The following TUSC3 variants were observed in gnomAD, a reference collection of about 807,000 sequenced individuals.
TUSC3 encodes the protein tumor suppressor candidate 3, also known as dolichyl-diphosphooligosaccharide--protein glycosyltransferase subunit TUSC3.
Under a neutral mutation model 44.8 loss-of-function variants are expected in TUSC3, and 45 were observed. The observed-to-expected ratio is 1.00, with a 90% CI of 0.79 to 1.29. The LOEUF is 1.29. Among genes scored for constraint, TUSC3 ranks in the 50% most tolerant of loss-of-function variants. The pLI, the probability that TUSC3 is intolerant of heterozygous loss-of-function variation, is 0.00. For synonymous variants in TUSC3, 212 were observed against 152.9 expected, an observed-to-expected ratio of 1.39 and a Z score of -2.85; for missense variants, 519 against 437.9, an observed-to-expected ratio of 1.19 and a Z score of -1.65.
At chr8:15,436,076 C>T (rs1395906484) in intron 1 of TUSC3, among the ~76,000 whole-genome samples, 1 of 152,138 alleles carries the variant, frequency 6.6e-6, no homozygotes, top group African/African-American at 2.4e-5. Flanking sequence ...CATTCACATA[C>T]CTGGTACTTT....
intron 3 of TUSC3, among the ~76,000 whole-genome samples, chr8:15,658,665 C>T (rs967038682): frequency 1.4e-5 from 2 of 143,578 alleles, no homozygotes; most frequent in African/African-American, 5.1e-5. Context: ...CACACAAATA[C>T]AATATATATA....
chr8:15,428,941 G>C (rs181044254), intron 1 of TUSC3, among the ~76,000 whole-genome samples: 3 of 152,282 alleles, frequency 2.0e-5, no homozygotes, highest in Admixed American at 2.0e-4. Flanking sequence ...TCTGATGGTG[G>C]TTGCTTTTGC....
At chr8:15,496,546 A>C (rs1800882809) in intron 2 of TUSC3, among the ~76,000 whole-genome samples, 1 of 152,176 alleles carries the variant, frequency 6.6e-6, no homozygotes, top group African/African-American at 2.4e-5. Flanking sequence ...ACAAGGTCTT[A>C]CTTTTGGGAG....
downstream of TUSC3, among the ~76,000 whole-genome samples, chr8:15,767,501 A>G (rs1429750045): frequency 6.6e-6 from 1 of 152,002 alleles, no homozygotes; most frequent in Non-Finnish European, 1.5e-5. Flanking sequence ...AGTTTACCAA[A>G]CCACTGTTTA....
chr8:15,842,618 G>T, the TUSC3 span, among the ~76,000 whole-genome samples: 20,231 of 152,122 alleles, frequency 0.13, 1,412 homozygotes, highest in Admixed American at 0.22. Flanking sequence ...ACACAGGAGA[G>T]AAAGAAGGCT....
chr8:15,696,927 T>C (rs953757688), intron 6 of TUSC3, among the ~76,000 whole-genome samples: 2 of 151,932 alleles, frequency 1.3e-5, no homozygotes, highest in African/African-American at 2.4e-5. Context: ...GGTCCTGGAC[T>C]TTTTTTTGTT....
rs186255536 is a variant in TUSC3 at position 15,748,774 on chromosome 8, C to T, written c.1028+309C>T. On this transcript the variant is annotated intron_variant, in intron 9 of 10. Coordinates refer to ENST00000503731, the MANE Select transcript of TUSC3 (RefSeq NM_006765.4). ...ATCTTCCCTTAGTTTGTCGTGATTT[C>T]GACTTCATTTGCAAGATTGTTTTCT... 2.9e-5 allele frequency: 16 copies of T among 544,250 alleles called. No homozygotes were observed. The East Asian group carries it at 4.4e-4, about 15-fold the overall frequency. 33.7% of individuals were successfully genotyped at this position (544,250 alleles called of 1,614,324 possible).
intron 2 of TUSC3, among the ~76,000 whole-genome samples, chr8:15,642,210 A>ATC (rs974064616): frequency 1.3e-5 from 2 of 152,200 alleles, no homozygotes; most frequent in African/African-American, 4.8e-5. Flanking sequence ...CACAAGATAG[A>ATC]TCTCTCTCTA....
chr8:15,755,427 T>C (rs1200661306), intron 9 of TUSC3, among the ~76,000 whole-genome samples: 2 of 152,150 alleles, frequency 1.3e-5, no homozygotes, highest in African/African-American at 2.4e-5. Context: ...AAAGTTTTTC[T>C]TTACGCTAAA....
At chr8:15,683,583 T>G (rs1313458119) in intron 6 of TUSC3, among the ~76,000 whole-genome samples, 1 of 152,172 alleles carries the variant, frequency 6.6e-6, no homozygotes, top group African/African-American at 2.4e-5. Flanking sequence ...CAGCTTCCTC[T>G]TGTATCTCAT....
chr8:15,612,879 C>G (rs938829820), intron 1 of TUSC3, among the ~76,000 whole-genome samples: 1 of 152,026 alleles, frequency 6.6e-6, no homozygotes, highest in Non-Finnish European at 1.5e-5. Flanking sequence ...ATCACCCACT[C>G]TTCACTGATC....
chr8:15,588,188 A>T (rs1477935404), intron 1 of TUSC3, among the ~76,000 whole-genome samples: 2 of 152,148 alleles, frequency 1.3e-5, no homozygotes, highest in Non-Finnish European at 2.9e-5. Context: ...CCAGCAGTGT[A>T]TAAGAGTTCT....
intron 1 of TUSC3, among the ~76,000 whole-genome samples, chr8:15,449,070 G>C (rs1414996152): frequency 1.3e-5 from 2 of 152,134 alleles, no homozygotes; most frequent in Non-Finnish European, 2.9e-5. Flanking sequence ...TTAGAAAGGA[G>C]AGCTTTATTT....
At chr8:15,681,177 C>A (rs1808414229) in intron 6 of TUSC3, among the ~76,000 whole-genome samples, 1 of 142,670 alleles carries the variant, frequency 7.0e-6, no homozygotes, top group Non-Finnish European at 1.5e-5. Context: ...GTCAGCTCTT[C>A]TTTATTATCC....
At chr8:15,708,672 T>C (rs1249249210) in intron 6 of TUSC3, among the ~76,000 whole-genome samples, 1 of 151,880 alleles carries the variant, frequency 6.6e-6, no homozygotes, top group Non-Finnish European at 1.5e-5. Flanking sequence ...AACAGAGAAT[T>C]GGGTTAAACA....
intron 1 of TUSC3, among the ~76,000 whole-genome samples, chr8:15,618,474 C>T (rs1347077096): frequency 6.6e-6 from 1 of 152,062 alleles, no homozygotes; most frequent in Non-Finnish European, 1.5e-5. Flanking sequence ...TTAGCCTAGG[C>T]CTGCACATGG....
At chr8:15,801,386 G>C in the TUSC3 span, among the ~76,000 whole-genome samples, 1 of 152,150 alleles carries the variant, frequency 6.6e-6, no homozygotes, top group Non-Finnish European at 1.5e-5. Context: ...GTGTGGGGTG[G>C]CTGAGAGCAT....
the TUSC3 span, among the ~76,000 whole-genome samples, chr8:15,851,550 T>A: frequency 6.6e-6 from 1 of 152,194 alleles, no homozygotes; most frequent in African/African-American, 2.4e-5. Context: ...TAGAGAGGTT[T>A]AAATAACTTG....
At chr8:15,601,446 C>A (rs1443752475) in intron 1 of TUSC3, among the ~76,000 whole-genome samples, 2 of 151,528 alleles carry the variant, frequency 1.3e-5, no homozygotes, top group African/African-American at 4.8e-5. Context: ...TTAGTGACTC[C>A]CTTCTAGTGG....
Sources: gnomAD v4.1 joint callset for allele counts (sites outside exome capture counted in the v4.1 genomes callset) on GRCh38, gnomAD v4.1.1 for gene constraint, MANE v1.5 for transcripts, NCBI Gene and HGNC (gene_info 2026-07-23, HGNC 2026-07-21) for gene names.